Variants in SHROOM2 observed in about 807,000 individuals in gnomAD.
SHROOM2 encodes the protein shroom family member 2.
A neutral mutation model predicts 75.9 loss-of-function variants in SHROOM2; 33 were observed. The ratio of observed to expected loss-of-function variants is 0.43; its 90% CI spans 0.33 to 0.58. The LOEUF is 0.58. Ranked by LOEUF, SHROOM2 falls within the 20% of genes least tolerant of loss-of-function variation. The pLI is 0.04. For missense variants in SHROOM2, 1,434 were observed against 1,461.2 expected, an observed-to-expected ratio of 0.98 and a Z score of 0.30; for synonymous variants, 655 against 663.6, an observed-to-expected ratio of 0.99 and a Z score of 0.20.
At chrX:9,788,634 G>A (rs2083630479) in intron 1 of SHROOM2, among the ~76,000 whole-genome samples, 1 of 111,627 alleles carries the variant, frequency 9.0e-6, no homozygotes, top group African/African-American at 3.3e-5. Context: ...TGGCCCCAGT[G>A]TTCAAGCCTG....
intron 9 of SHROOM2, 61 bp from the exon 10 acceptor site, chrX:9,946,610 G>C (rs1385647878): frequency 9.0e-7 from 1 of 1,114,862 alleles, no homozygotes; most frequent in Admixed American, 2.6e-5. Context: ...GTGTCTTCAA[G>C]GGTTGGCCAG....
intron 5 of SHROOM2, among the ~76,000 whole-genome samples, chrX:9,914,719 G>A (rs1433305844): frequency 8.9e-6 from 1 of 111,947 alleles, no homozygotes; most frequent in Admixed American, 9.5e-5. Flanking sequence ...GTCCTACTAT[G>A]CGGTTACCAT....
intron 1 of SHROOM2, among the ~76,000 whole-genome samples, chrX:9,790,778 T>G (rs1159215959): frequency 4.5e-5 from 5 of 111,903 alleles, no homozygotes; most frequent in Non-Finnish European, 9.4e-5. Context: ...TAGGCCCGCC[T>G]TGCCAACTGG....
Position 9,839,915 on chromosome X carries a change from C to T in SHROOM2, c.166-33737C>T, listed in dbSNP as rs1455147206. ...GATGTCTGTTTCCGGTGCCATCGAG[C>T]TCTAACTTCAACCTTGACTCTGCTT... On this transcript the variant is annotated intron_variant, in intron 1 of 9. Transcript: ENST00000380913. Among the ~76,000 whole-genome samples, 3 of 111,976 alleles carry T rather than the reference C, an allele frequency of 2.7e-5. No individual in the cohort carries two copies. In the Admixed American group the frequency reaches 2.9e-4, roughly 11 times the overall value.
chrX:9,889,562 A>G (rs1361668448), intron 2 of SHROOM2, among the ~76,000 whole-genome samples: 2 of 111,779 alleles, frequency 1.8e-5, no homozygotes, highest in Non-Finnish European at 3.8e-5. Context: ...CATTACCGAC[A>G]TCCATTGGGA....
chrX:9,805,354 G>A (rs962159806), intron 1 of SHROOM2, among the ~76,000 whole-genome samples: 1 of 113,037 alleles, frequency 8.8e-6, no homozygotes, highest in Admixed American at 9.3e-5. Flanking sequence ...CTGTGGGGTA[G>A]GTTTATACAG....
chrX:9,910,232 C>G (rs776004698), intron 5 of SHROOM2, among the ~76,000 whole-genome samples: 5 of 111,040 alleles, frequency 4.5e-5, no homozygotes, highest in African/African-American at 1.6e-4. Flanking sequence ...ATTGATTAAA[C>G]AGAAAATTTG....
At chrX:9,802,724 C>T (rs144201105) in intron 1 of SHROOM2, among the ~76,000 whole-genome samples, 1,663 of 111,018 alleles carry the variant, frequency 0.015, 33 homozygotes, top group African/African-American at 0.05. Context: ...ACAGCTTACA[C>T]GTAGCCTTGA....
Position 9,894,646 on chromosome X carries a change from G to A in SHROOM2, c.738G>A (p.Arg246=). The change falls in exon 4 of 10, where the codon AGG becomes AGA. Residue 246 remains arginine (R), a synonymous_variant. Transcript: ENST00000380913. ...LYTVGLWEAP[R]QGGRQAQAAG... Reference sequence around the variant, plus strand: ...CTGTGGGCCTCTGGGAGGCTCCCAGGCAGGGTGGCCGGCAGGCCCAGGCCG... The same window carrying A: ...CTGTGGGCCTCTGGGAGGCTCCCAGACAGGGTGGCCGGCAGGCCCAGGCCG... 1.7e-6 allele frequency: 2 copies of A among 1,211,851 alleles called. No homozygotes were observed. The highest frequency in any genetic ancestry group is 2.2e-6 in the Non-Finnish European group (2 of 895,398).
chrX:9,937,817 G>A (rs1188792165), intron 7 of SHROOM2, 132 bp downstream of exon 7: 8 of 576,059 alleles, frequency 1.4e-5, no homozygotes, highest in East Asian at 3.7e-5. Context: ...AGGGCTCCTC[G>A]ATGCTTAGCA....
intron 1 of SHROOM2, among the ~76,000 whole-genome samples, chrX:9,789,065 C>T (rs185590952): frequency 6.2e-4 from 69 of 111,803 alleles, no homozygotes; most frequent in African/African-American, 2.1e-3. Flanking sequence ...CCAGTGTTTG[C>T]ATGGAGAGCT....
intron 1 of SHROOM2, among the ~76,000 whole-genome samples, chrX:9,855,699 A>G (rs1314842104): frequency 1.8e-5 from 2 of 112,034 alleles, no homozygotes; most frequent in Admixed American, 9.5e-5. Context: ...GCTCTGCGCC[A>G]GGAAGAAGCG....
At position 9,947,118 on chromosome X, in the gene SHROOM2, G is replaced by C. The variant is rs1027386011; in HGVS notation, c.*181G>C. The C allele has an allele frequency of 6.0e-6, 3 of 497,665 alleles. No homozygotes were observed. Among genetic ancestry groups the C allele is most frequent in the African/African-American group, 2.4e-5 (1 of 41,659 alleles). The allele number at this position is 497,665 out of a possible 1,213,427, so 41.0% of individuals were successfully genotyped here. On this transcript the variant is annotated 3_prime_UTR_variant, in exon 10 of 10. Coordinates refer to ENST00000380913, the MANE Select transcript of SHROOM2 (RefSeq NM_001649.4). Reference sequence around the variant, plus strand: ...GTGGGATGATTTATTTAATTTTTTAGTTTCCCCTTTGATTGCTGAGAGCCA... The same window carrying C: ...GTGGGATGATTTATTTAATTTTTTACTTTCCCCTTTGATTGCTGAGAGCCA...
chrX:9,946,914 C>T lies in SHROOM2; in HGVS notation c.4828C>T (p.Leu1610Phe). ...GCAGCTGAAGTGCTTATTGGACAGC[C>T]TTCAGCCCGAAAGGGGCAAATAAGA... The part of the protein sequence containing the change: ...EEQLKCLLDS[L>F]QPERGK Residue 1610 changes from leucine to phenylalanine, a missense_variant, in exon 10 of 10, where the codon CTT becomes TTT. By Grantham distance (22) the Leu-to-Phe change is conservative (BLOSUM62 0). This residue lies in a region of SHROOM2 where 80 missense variants were observed against 88.4 expected (regional missense o/e 0.90). Coordinates refer to ENST00000380913, the MANE Select transcript of SHROOM2 (RefSeq NM_001649.4). 1 of 1,197,092 alleles carries T rather than the reference C, an allele frequency of 8.4e-7. No homozygotes were observed. Among genetic ancestry groups the T allele is most frequent in the Non-Finnish European group, 1.1e-6 (1 of 887,827 alleles).
chrX:9,837,745 G>A (rs2083954716), intron 1 of SHROOM2, among the ~76,000 whole-genome samples: 1 of 112,035 alleles, frequency 8.9e-6, no homozygotes, highest in African/African-American at 3.2e-5. Flanking sequence ...CCTGTGCCCA[G>A]CTCCTTGCGG....
chrX:9,878,507 C>T (rs929697344), intron 2 of SHROOM2, among the ~76,000 whole-genome samples: 1 of 111,965 alleles, frequency 8.9e-6, no homozygotes, highest in Non-Finnish European at 1.9e-5. Flanking sequence ...GAGCTGGTTT[C>T]TTACAACATG....
chrX:9,803,849 G>C (rs1057109996), intron 1 of SHROOM2, among the ~76,000 whole-genome samples: 1 of 111,576 alleles, frequency 9.0e-6, no homozygotes, highest in African/African-American at 3.3e-5. Context: ...GTGCTGGTGA[G>C]AATCTGCCAG....
Position 9,808,769 on chromosome X carries a change from A to G in SHROOM2, c.165+22059A>G, listed in dbSNP as rs183834014. Reference sequence around the variant, plus strand: ...CCCAGCTACTCGGGAGGCTGAGGCAAGAGAATCGCTTGAACCTGGGAAGCG... The same window carrying G: ...CCCAGCTACTCGGGAGGCTGAGGCAGGAGAATCGCTTGAACCTGGGAAGCG... On this transcript the variant is annotated intron_variant, in intron 1 of 9. Transcript: ENST00000380913. Among the ~76,000 whole-genome samples, 822 of 110,192 alleles carry G rather than the reference A, an allele frequency of 7.5e-3. 7 individuals carry two copies. Among genetic ancestry groups the G allele is most frequent in the African/African-American group, 0.026 (786 of 30,258 alleles).
chrX:9,789,964 C>T (rs968182226), intron 1 of SHROOM2, among the ~76,000 whole-genome samples: 1 of 39,206 alleles, frequency 2.6e-5, no homozygotes, highest in Non-Finnish European at 6.1e-5. Flanking sequence ...GTCTGGGACG[C>T]TTGGAGGTCC....
Sources: allele counts gnomAD v4.1 joint callset (sites outside exome capture counted in the v4.1 genomes callset), GRCh38; gene constraint gnomAD v4.1.1; regional missense constraint gnomAD v4.1.1; transcripts MANE v1.5; gene names NCBI Gene and HGNC (gene_info 2026-07-23, HGNC 2026-07-21).